THRAP3: variants seen among roughly 807,000 people sequenced by gnomAD.
THRAP3 encodes thyroid hormone receptor associated protein 3, also known as thyroid hormone receptor-associated protein 3.
In THRAP3, 16 loss-of-function variants were observed where a neutral mutation model predicts 101.0. That is an observed-to-expected ratio of 0.16 (90% confidence interval 0.11 to 0.24). The LOEUF (loss-of-function observed/expected upper bound fraction) is 0.24, where lower values mean the gene tolerates loss of function less well. Among genes scored for constraint, THRAP3 ranks in the 10% least tolerant of loss-of-function variants. THRAP3 has a pLI of 1.00. For missense variants in THRAP3, 989 were observed against 1,202.7 expected (o/e 0.82, Z 2.63); for synonymous variants, 407 against 422.6 (o/e 0.96, Z 0.45).
chr1:36,216,452 G>A, the THRAP3 span, among the ~76,000 whole-genome samples: 6 of 145,210 alleles, frequency 4.1e-5, no homozygotes, highest in African/African-American at 1.3e-4. Context: ...TACGGAGATC[G>A]CGCACTGCAC....
rs1196972079 is a variant in THRAP3, at chr1:36,304,897, A to G, written c.*880A>G. 2 of 206,394 alleles carry G rather than the reference A, an allele frequency of 9.7e-6. No individual in the cohort carries two copies. The highest frequency in any genetic ancestry group is 6.0e-5 in the Admixed American group (1 of 16,786). The allele number at this position is 206,394 out of a possible 1,614,324, so 12.8% of individuals were successfully genotyped here. A position where few individuals can be genotyped will look rare whatever the true frequency, so the allele number is the denominator to read the frequency against. ...CTATTATCTTTACAAATATGAGAAA[A>G]TTTTTTCAATATTTTTTATTAATCT... On this transcript the variant is annotated 3_prime_UTR_variant, in exon 12 of 12. Transcript: ENST00000354618.
Position 36,262,959 on chromosome 1 carries a change from A to ATTT in THRAP3, c.-32+3497_-32+3499dup, listed in dbSNP as rs55662646. Reference sequence around the variant, plus strand: ...AGGCGCCCGCCACCAGGGCCGGCTAATTTTTTTTTTTTTTTTTTTTTTTTG... The same window carrying ATTT: ...AGGCGCCCGCCACCAGGGCCGGCTAATTTTTTTTTTTTTTTTTTTTTTTTTTTG... On this transcript the variant is annotated intron_variant, in intron 2 of 11. Transcript: ENST00000354618. 5.1e-3 allele frequency among the ~76,000 whole-genome samples: 529 copies of ATTT among 104,352 alleles called. 6 individuals are homozygous for ATTT. The highest frequency in any genetic ancestry group is 6.2e-3 in the Middle Eastern group (1 of 162). The allele number at this position is 104,352 out of a possible 152,430, so 68.5% of individuals were successfully genotyped here.
Position 36,304,525 on chromosome 1 carries a change from AAG to A in THRAP3, c.*512_*513del, listed in dbSNP as rs1341817337. 2 of 225,782 alleles carry A rather than the reference AAG, an allele frequency of 8.9e-6. No homozygotes were observed. Among genetic ancestry groups the A allele is most frequent in the Non-Finnish European group, 1.8e-5 (2 of 113,422 alleles). The allele number at this position is 225,782 out of a possible 1,614,324, so 14.0% of individuals were successfully genotyped here. Reference sequence around the variant, plus strand: ...TAATTTGGGAAACTTTGATTCTTGAAAGAGAAAACAAAAGCATGTGAATAAAC... The same window carrying A: ...TAATTTGGGAAACTTTGATTCTTGAAAGAAAACAAAAGCATGTGAATAAAC... On this transcript the variant is annotated 3_prime_UTR_variant, in exon 12 of 12. Transcript: ENST00000354618.
rs1553121666 is a variant in THRAP3, at chr1:36,270,571, G to GGTTTTTTTTTTT, written c.-32+11087_-32+11088insGTTTTTTTTTTT. Among the ~76,000 whole-genome samples the GGTTTTTTTTTTT allele has an allele frequency of 3.4e-3, 109 of 31,864 alleles. 1 individual carries two copies. The highest frequency in any genetic ancestry group is 7.4e-3 in the African/African-American group (105 of 14,168). 20.9% of individuals were successfully genotyped at this position (31,864 alleles called of 152,430 possible). A position where few individuals can be genotyped will look rare whatever the true frequency, so the allele number is the denominator to read the frequency against. On this transcript the variant is annotated intron_variant, in intron 2 of 11. Coordinates refer to ENST00000354618, the MANE Select transcript of THRAP3 (RefSeq NM_005119.4). ...TAAAAATACAGTTCTATTTGTTTAG[G>GGTTTTTTTTTTT]TTTTTGTTTTTTTTTTTTTTTTTGA...
At chr1:36,253,481 G>C (rs1050994764) in intron 1 of THRAP3, among the ~76,000 whole-genome samples, 1 of 152,196 alleles carries the variant, frequency 6.6e-6, no homozygotes, top group African/African-American at 2.4e-5. Context: ...ACTTTTGACA[G>C]TATGAGAAGT....
At chr1:36,208,951 GCC>G in the THRAP3 span, among the ~76,000 whole-genome samples, 1 of 142,414 alleles carries the variant, frequency 7.0e-6, no homozygotes, top group African/African-American at 2.6e-5. Flanking sequence ...ACAGACGTGA[GCC>G]ACCATGTCCA....
chr1:36,214,122 A>C, the THRAP3 span, among the ~76,000 whole-genome samples: 2 of 152,260 alleles, frequency 1.3e-5, no homozygotes, highest in African/African-American at 2.4e-5. Context: ...TGACACACCT[A>C]CTGCTGTCAA....
intron 2 of THRAP3, among the ~76,000 whole-genome samples, chr1:36,277,273 ATTTAT>A (rs1408114153): frequency 6.7e-6 from 1 of 149,160 alleles, no homozygotes; most frequent in Non-Finnish European, 1.5e-5. Flanking sequence ...CCAGCCTCAC[ATTTAT>A]TTTATTTTAT....
chr1:36,250,484 T>C (rs931186060), intron 1 of THRAP3, among the ~76,000 whole-genome samples: 2 of 152,074 alleles, frequency 1.3e-5, no homozygotes, highest in Non-Finnish European at 2.9e-5. Context: ...AGTTCTGGGA[T>C]TACAGGCGGT....
chr1:36,294,014 A>G, intron 8 of THRAP3, 79 bp downstream of exon 8: 1 of 1,575,668 alleles, frequency 6.3e-7, no homozygotes, highest in South Asian at 1.1e-5. Context: ...GTTTGTTTAA[A>G]TTACTCTCTA....
intron 2 of THRAP3, among the ~76,000 whole-genome samples, chr1:36,262,983 T>TTG (rs1645466480): frequency 7.0e-6 from 1 of 141,846 alleles, no homozygotes; most frequent in Non-Finnish European, 1.5e-5. Context: ...TTTTTTTTTT[T>TTG]GTATTTTCAG....
At chr1:36,254,128 C>T (rs1404323156) in intron 1 of THRAP3, among the ~76,000 whole-genome samples, 1 of 152,114 alleles carries the variant, frequency 6.6e-6, no homozygotes, top group Non-Finnish European at 1.5e-5. Context: ...CCTTCTTTTT[C>T]TCAGCACTGC....
At chr1:36,270,010 A>G (rs558350065) in intron 2 of THRAP3, among the ~76,000 whole-genome samples, 3 of 152,308 alleles carry the variant, frequency 2.0e-5, no homozygotes, top group South Asian at 2.1e-4. Flanking sequence ...AGTATTGATA[A>G]TGTTTGAAGC....
intron 1 of THRAP3, among the ~76,000 whole-genome samples, chr1:36,245,965 G>T (rs1645226030): frequency 6.6e-6 from 1 of 152,104 alleles, no homozygotes; most frequent in Non-Finnish European, 1.5e-5. Context: ...GTCGTTCTAA[G>T]TACATTCCAT....
At chr1:36,294,185 GT>G in intron 8 of THRAP3, 1 of 1,248,916 alleles carries the variant, frequency 8.0e-7, no homozygotes, top group Admixed American at 3.8e-5. Flanking sequence ...AAAGAGAGGA[GT>G]TTTGGAACAA....
At chr1:36,288,108 T>G in intron 4 of THRAP3, 2 of 984,832 alleles carry the variant, frequency 2.0e-6, no homozygotes, top group Non-Finnish European at 2.4e-6. Context: ...ACAGATGAGA[T>G]GTTTTGAATC....
chr1:36,291,355 C>T lies in THRAP3; in HGVS notation c.1746-19C>T, dbSNP rs775806901. ...TGTGTATTGTGTTCTAATTGGGCCTCCCCATATTTCTTTTTCAGACCCAGT... is the reference window on the plus strand; with the variant it reads ...TGTGTATTGTGTTCTAATTGGGCCTTCCCATATTTCTTTTTCAGACCCAGT... On this transcript the variant is annotated intron_variant, in intron 5 of 11. Transcript: ENST00000354618. 6.2e-7 allele frequency: 1 copy of T among 1,610,820 alleles called. No homozygotes were observed. Among genetic ancestry groups the T allele is most frequent in the East Asian group, 2.2e-5 (1 of 44,862 alleles).
chr1:36,274,366 G>GCA (rs1264601504), intron 2 of THRAP3, among the ~76,000 whole-genome samples: 1 of 152,122 alleles, frequency 6.6e-6, no homozygotes, highest in Non-Finnish European at 1.5e-5. Flanking sequence ...TACAGATTCA[G>GCA]CACACACACT....
intron 9 of THRAP3, among the ~76,000 whole-genome samples, chr1:36,298,667 T>G (rs1645985364): frequency 6.6e-6 from 1 of 152,068 alleles, no homozygotes; most frequent in Non-Finnish European, 1.5e-5. Context: ...GCCCGGCTAA[T>G]TTTTAAAAAT....
Sources: gnomAD v4.1 joint callset for allele counts (sites outside exome capture counted in the v4.1 genomes callset) on GRCh38, gnomAD v4.1.1 for gene constraint, MANE v1.5 for transcripts, NCBI Gene and HGNC (gene_info 2026-07-23, HGNC 2026-07-21) for gene names.